NCKAP5: variants seen among roughly 807,000 people sequenced by gnomAD.
The protein encoded by NCKAP5 is nck-associated protein 5.
A neutral mutation model predicts 167.0 loss-of-function variants in NCKAP5; 92 were observed. The observed-to-expected ratio is 0.55, with a 90% confidence interval of 0.47 to 0.66. The LOEUF (loss-of-function observed/expected upper bound fraction) is 0.66. Ranked by LOEUF, NCKAP5 falls within the 30% of genes least tolerant of loss-of-function variation. The probability of loss-of-function intolerance (pLI) is 0.00; values close to 1 mark genes in which losing one functional copy is unlikely to be tolerated. For synonymous variants in NCKAP5, 891 were observed against 877.4 expected (o/e 1.02, Z -0.27); for missense variants, 2,378 against 2,315.0 (o/e 1.03, Z -0.56).
intron 10 of NCKAP5, among the ~76,000 whole-genome samples, chr2:132,864,950 G>C (rs1690225925): frequency 6.6e-6 from 1 of 152,006 alleles, no homozygotes; most frequent in African/African-American, 2.4e-5. Context: ...ACAAAATTGG[G>C]CTTCTGTTCA....
intron 3 of NCKAP5, among the ~76,000 whole-genome samples, chr2:133,445,953 C>T (rs1227734671): frequency 2.6e-5 from 4 of 152,142 alleles, no homozygotes; most frequent in Non-Finnish European, 2.9e-5. Context: ...GAGTGGAACC[C>T]ACTGTGTGTG....
chr2:133,190,007 T>C (rs2085138509), intron 5 of NCKAP5, among the ~76,000 whole-genome samples: 1 of 152,176 alleles, frequency 6.6e-6, no homozygotes, highest in African/African-American at 2.4e-5. Context: ...GATGACATGA[T>C]TGTATATTTA....
intron 11 of NCKAP5, among the ~76,000 whole-genome samples, chr2:132,813,187 G>A (rs1686015712): frequency 6.6e-6 from 1 of 152,208 alleles, no homozygotes; most frequent in African/African-American, 2.4e-5. Context: ...GTTCAAGAGG[G>A]GAATGGTGAG....
chr2:133,063,094 C>A (rs1468636188), intron 6 of NCKAP5, among the ~76,000 whole-genome samples: 1 of 152,068 alleles, frequency 6.6e-6, no homozygotes, highest in Admixed American at 6.5e-5. Flanking sequence ...TTCAGAGAAG[C>A]AAAGCAAGGT....
intron 5 of NCKAP5, among the ~76,000 whole-genome samples, chr2:133,208,532 T>C (rs985136144): frequency 2.6e-5 from 4 of 152,116 alleles, no homozygotes; most frequent in Non-Finnish European, 4.4e-5. Flanking sequence ...TACCAAGTTG[T>C]CAAAAACAAG....
chr2:133,240,367 GT>G (rs2087627598), intron 4 of NCKAP5, among the ~76,000 whole-genome samples: 1 of 152,182 alleles, frequency 6.6e-6, no homozygotes, highest in Non-Finnish European at 1.5e-5. Context: ...AATCACAGAA[GT>G]GACAAAACTT....
chr2:133,280,469 C>T (rs958018536), intron 4 of NCKAP5, among the ~76,000 whole-genome samples: 2 of 151,858 alleles, frequency 1.3e-5, no homozygotes, highest in South Asian at 4.1e-4. Flanking sequence ...TGCAGTGGTA[C>T]GATCTCGGCT....
chr2:133,385,600 T>C (rs1311640556), intron 3 of NCKAP5, among the ~76,000 whole-genome samples: 1 of 152,194 alleles, frequency 6.6e-6, no homozygotes, highest in Non-Finnish European at 1.5e-5. Context: ...TTCTATTGAT[T>C]GGAATAGTTT....
intron 5 of NCKAP5, among the ~76,000 whole-genome samples, chr2:133,144,645 T>C (rs188830588): frequency 6.6e-6 from 1 of 152,180 alleles, no homozygotes; most frequent in Non-Finnish European, 1.5e-5. Flanking sequence ...GAAAATCACG[T>C]AATATTTGTG....
intron 4 of NCKAP5, among the ~76,000 whole-genome samples, chr2:133,251,376 A>AT (rs551557399): frequency 1.7e-4 from 25 of 150,158 alleles, no homozygotes; most frequent in East Asian, 1.2e-3. Context: ...AAACAGACAA[A>AT]TTTTTTTTTT....
chr2:132,860,806 AT>A (rs200741011), intron 10 of NCKAP5, among the ~76,000 whole-genome samples, 195 bp from the exon 11 acceptor site: 10 of 152,106 alleles, frequency 6.6e-5, no homozygotes, highest in Non-Finnish European at 1.0e-4. Context: ...AAGAAGACCA[AT>A]TTTTTTTAAA....
At chr2:133,205,135 T>C (rs939838241) in intron 5 of NCKAP5, among the ~76,000 whole-genome samples, 3 of 150,896 alleles carry the variant, frequency 2.0e-5, no homozygotes, top group Non-Finnish European at 4.4e-5. Flanking sequence ...CAAAAAAATT[T>C]AAAAAAAAAT....
chr2:132,820,223 T>C (rs1206067113), intron 11 of NCKAP5, among the ~76,000 whole-genome samples: 2 of 149,744 alleles, frequency 1.3e-5, no homozygotes, highest in South Asian at 2.2e-4. Context: ...TTTTTTGTTT[T>C]GTTTTGTTTT....
chr2:132,760,552 G>C (rs13034320), intron 16 of NCKAP5, among the ~76,000 whole-genome samples: 41,436 of 151,880 alleles, frequency 0.27, 5,886 homozygotes, highest in African/African-American at 0.32. Flanking sequence ...GCAGTCTTTG[G>C]AGGACTCATT....
intron 3 of NCKAP5, among the ~76,000 whole-genome samples, chr2:133,369,428 G>A (rs1250265110): frequency 6.6e-6 from 1 of 152,206 alleles, no homozygotes; most frequent in Non-Finnish European, 1.5e-5. Flanking sequence ...TTAAGATGGG[G>A]TTCACTATTT....
At chr2:132,941,216 T>G (rs1697270884) in intron 8 of NCKAP5, among the ~76,000 whole-genome samples, 1 of 152,178 alleles carries the variant, frequency 6.6e-6, no homozygotes. Context: ...TACTAGAGAA[T>G]GTATTCAGGG....
intron 7 of NCKAP5, among the ~76,000 whole-genome samples, chr2:132,992,577 G>A (rs1459774199): frequency 1.3e-5 from 2 of 152,110 alleles, no homozygotes; most frequent in Non-Finnish European, 2.9e-5. Context: ...AGGCTGCATC[G>A]AACCATTCAA....
chr2:133,595,153 G>A, the NCKAP5 span, among the ~76,000 whole-genome samples: 21 of 152,186 alleles, frequency 1.4e-4, no homozygotes, highest in African/African-American at 5.1e-4. Flanking sequence ...GGGCATCCCA[G>A]GCTAAGTAAG....
At chr2:132,988,967 A>G (rs1412531596) in intron 7 of NCKAP5, among the ~76,000 whole-genome samples, 1 of 152,216 alleles carries the variant, frequency 6.6e-6, no homozygotes, top group Non-Finnish European at 1.5e-5. Flanking sequence ...CAGAAGCTGT[A>G]TCCATAGTTG....
Sources: gnomAD v4.1 joint callset for allele counts (sites outside exome capture counted in the v4.1 genomes callset) on GRCh38, gnomAD v4.1.1 for gene constraint, MANE v1.5 for transcripts, NCBI Gene and HGNC (gene_info 2026-07-23, HGNC 2026-07-21) for gene names.